Variants in RABGAP1L observed in about 807,000 individuals in gnomAD.
The protein encoded by RABGAP1L is rab GTPase-activating protein 1-like.
A neutral mutation model predicts 137.7 loss-of-function variants in RABGAP1L; 63 were observed. The observed-to-expected ratio is 0.46, with a 90% CI of 0.37 to 0.56. The LOEUF is 0.56. Ranked by LOEUF, RABGAP1L falls within the 20% of genes least tolerant of loss-of-function variation. RABGAP1L has a pLI of 0.00. For missense variants in RABGAP1L, 1,095 were observed against 1,244.0 expected (o/e 0.88, Z 1.80); for synonymous variants, 431 against 433.7 (o/e 0.99, Z 0.08).
chr1:174,447,912 C>T (rs556071147), intron 13 of RABGAP1L, among the ~76,000 whole-genome samples: 123 of 137,376 alleles, frequency 9.0e-4, no homozygotes, highest in African/African-American at 3.0e-3. Context: ...CCCCCCCGCC[C>T]GAAAGCTGAG....
intron 19 of RABGAP1L, among the ~76,000 whole-genome samples, chr1:174,843,376 T>A (rs1294086137): frequency 6.7e-6 from 1 of 149,032 alleles, no homozygotes; most frequent in Non-Finnish European, 1.5e-5. Flanking sequence ...ATCCCTCCCC[T>A]CTCCCCCCAC....
chr1:174,319,431 T>C (rs1679736152), intron 11 of RABGAP1L, among the ~76,000 whole-genome samples: 1 of 152,182 alleles, frequency 6.6e-6, no homozygotes, highest in Non-Finnish European at 1.5e-5. Context: ...AAGAAGCTTT[T>C]GTTTGTTTTA....
At chr1:174,339,680 C>T (rs1356709633) in intron 11 of RABGAP1L, among the ~76,000 whole-genome samples, 1 of 151,908 alleles carries the variant, frequency 6.6e-6, no homozygotes, top group Non-Finnish European at 1.5e-5. Flanking sequence ...GATCTCAGCT[C>T]ACTGCAACCT....
At chr1:174,763,063 C>T (rs1296595715) in intron 18 of RABGAP1L, among the ~76,000 whole-genome samples, 2 of 151,788 alleles carry the variant, frequency 1.3e-5, no homozygotes, top group Non-Finnish European at 2.9e-5. Context: ...GATCCACCCG[C>T]CTTGGCCTCC....
At chr1:174,287,740 G>A (rs982542893) in intron 10 of RABGAP1L, among the ~76,000 whole-genome samples, 8 of 152,022 alleles carry the variant, frequency 5.3e-5, no homozygotes, top group South Asian at 2.1e-4. Flanking sequence ...TAATCTGCCC[G>A]CCTCAGCCTC....
intron 10 of RABGAP1L, among the ~76,000 whole-genome samples, chr1:174,297,933 A>G (rs747991778): frequency 2.0e-5 from 3 of 152,160 alleles, no homozygotes; most frequent in Non-Finnish European, 4.4e-5. Context: ...TCCTAAGCCA[A>G]CCAGTGTAAG....
intron 13 of RABGAP1L, among the ~76,000 whole-genome samples, chr1:174,517,353 A>G (rs1455331896): frequency 6.6e-6 from 1 of 152,152 alleles, no homozygotes; most frequent in Non-Finnish European, 1.5e-5. Context: ...CTTTTGCAAT[A>G]TTTTTATATC....
At chr1:174,846,322 G>T (rs1414089802) in intron 19 of RABGAP1L, among the ~76,000 whole-genome samples, 1 of 150,186 alleles carries the variant, frequency 6.7e-6, no homozygotes, top group African/African-American at 2.5e-5. Flanking sequence ...TGATGTTAGG[G>T]TGTCAATTTT....
At chr1:174,389,148 T>C (rs1687029616) in intron 12 of RABGAP1L, among the ~76,000 whole-genome samples, 1 of 152,112 alleles carries the variant, frequency 6.6e-6, no homozygotes, top group South Asian at 2.1e-4. Context: ...ACCTTTAATC[T>C]ATCCTTTTTC....
chr1:174,760,105 G>A (rs1685101272), intron 18 of RABGAP1L, among the ~76,000 whole-genome samples: 1 of 152,190 alleles, frequency 6.6e-6, no homozygotes, highest in Non-Finnish European at 1.5e-5. Flanking sequence ...ACAGAAGTGG[G>A]TGACTGCACT....
intron 13 of RABGAP1L, among the ~76,000 whole-genome samples, chr1:174,542,510 G>T (rs1463900924): frequency 6.6e-6 from 1 of 151,874 alleles, no homozygotes; most frequent in Non-Finnish European, 1.5e-5. Flanking sequence ...CTTGCTAGTG[G>T]TCTACCAATT....
chr1:174,246,582 G>A (rs991774968), intron 5 of RABGAP1L, among the ~76,000 whole-genome samples: 1 of 152,134 alleles, frequency 6.6e-6, no homozygotes, highest in African/African-American at 2.4e-5. Flanking sequence ...GTCCCTAAAA[G>A]ATACAGTATA....
chr1:174,832,226 G>A (rs1433738098), intron 19 of RABGAP1L, among the ~76,000 whole-genome samples: 1 of 146,836 alleles, frequency 6.8e-6, no homozygotes, highest in African/African-American at 2.5e-5. Context: ...CCGGGAGGTG[G>A]AGGTTGCAGT....
intron 7 of RABGAP1L, among the ~76,000 whole-genome samples, chr1:174,253,366 C>T (rs559707186): frequency 4.6e-5 from 7 of 152,176 alleles, no homozygotes; most frequent in Admixed American, 2.0e-4. Flanking sequence ...GTAAAATGTA[C>T]GTATGTCCTT....
At chr1:174,397,482 GGT>G (rs1366811040) in intron 13 of RABGAP1L, among the ~76,000 whole-genome samples, 1 of 152,068 alleles carries the variant, frequency 6.6e-6, no homozygotes, top group Non-Finnish European at 1.5e-5. Flanking sequence ...CTGTAGCTGT[GGT>G]GACACACCTA....
Position 174,393,706 on chromosome 1 carries a change from C to T in RABGAP1L, c.1560-289C>T, listed in dbSNP as rs190843970. Among the ~76,000 whole-genome samples the T allele has an allele frequency of 1.3e-3, 202 of 151,986 alleles. 2 individuals carry two copies. The East Asian group carries it at 0.035, about 26-fold the overall frequency. On this transcript the variant is annotated intron_variant, in intron 12 of 25. Transcript: ENST00000681986. The stretch of plus-strand genomic sequence containing the variant: ...GTTGCCTAGCAATATATAACTAACA[C>T]GTTAATTATTATGAGTAAGTCCATA...
At chr1:174,522,227 T>C (rs915181967) in intron 13 of RABGAP1L, among the ~76,000 whole-genome samples, 2 of 152,154 alleles carry the variant, frequency 1.3e-5, no homozygotes, top group Admixed American at 6.6e-5. Context: ...CTGTGGATAT[T>C]GCAGAACAGC....
chr1:174,991,581 T>C lies in RABGAP1L; in HGVS notation c.*1580T>C, dbSNP rs1306814703. 3 of 152,354 alleles carry C rather than the reference T, an allele frequency of 2.0e-5. No homozygotes were observed. Among genetic ancestry groups the C allele is most frequent in the South Asian group, 4.1e-4 (2 of 4,832 alleles). 9.4% of individuals were successfully genotyped at this position (152,354 alleles called of 1,614,324 possible). Reference sequence around the variant, plus strand: ...ATCCCCTTTATCTGTGTTTATATTCTCTACAGCCCATAAAACTGATGTGAT... The same window carrying C: ...ATCCCCTTTATCTGTGTTTATATTCCCTACAGCCCATAAAACTGATGTGAT... On this transcript the variant is annotated 3_prime_UTR_variant, in exon 26 of 26. Transcript: ENST00000681986.
intron 2 of RABGAP1L, chr1:174,220,691 T>G (rs1669691719): frequency 5.0e-6 from 1 of 199,562 alleles, no homozygotes; most frequent in South Asian, 1.7e-4. Flanking sequence ...GAAAAAAAGA[T>G]AAATACATCT....
Sources: gnomAD v4.1 joint callset for allele counts (sites outside exome capture counted in the v4.1 genomes callset) on GRCh38, gnomAD v4.1.1 for gene constraint, MANE v1.5 for transcripts, NCBI Gene and HGNC (gene_info 2026-07-23, HGNC 2026-07-21) for gene names.